Variants in RSRP1 observed in about 807,000 individuals in gnomAD.
RSRP1 encodes arginine and serine rich protein 1.
Under a neutral mutation model 33.0 loss-of-function variants are expected in RSRP1, and 37 were observed. The observed-to-expected ratio is 1.12, with a 90% CI of 0.86 to 1.48. RSRP1 has a LOEUF of 1.48. Ranked by LOEUF, RSRP1 falls within the 40% of genes most tolerant of loss-of-function variation. RSRP1 has a pLI of 0.00. For missense variants in RSRP1, 402 were observed against 385.3 expected, an observed-to-expected ratio of 1.04 and a Z score of -0.36; for synonymous variants, 167 against 158.7, an observed-to-expected ratio of 1.05 and a Z score of -0.40.
intron 1 of RSRP1, among the ~76,000 whole-genome samples, chr1:25,278,537 G>T (rs1468501377): frequency 1.5e-5 from 2 of 131,736 alleles, no homozygotes; most frequent in Admixed American, 1.5e-4. Flanking sequence ...GCAGTTTGGG[G>T]TGGGATGGCC....
chr1:25,273,855 T>C (rs1236948427), intron 1 of RSRP1, among the ~76,000 whole-genome samples: 1 of 129,044 alleles, frequency 7.7e-6, no homozygotes, highest in African/African-American at 2.7e-5. Context: ...GAACGGCTAG[T>C]TAACTGGAAG....
chr1:25,334,466 C>T lies in RSRP1; in HGVS notation c.-67+3512G>A, dbSNP rs1329830891. On this transcript the variant is annotated intron_variant, in intron 1 of 1. Coordinates refer to the RSRP1 transcript ENST00000561867. Reference sequence around the variant, plus strand: ...AGTGTCTGCAACTTTTCCAGGTACACGGTGCAAGCTGTCGGTGGATCTACC... The same window carrying T: ...AGTGTCTGCAACTTTTCCAGGTACATGGTGCAAGCTGTCGGTGGATCTACC... Among the ~76,000 whole-genome samples the T allele has an allele frequency of 9.1e-5, 12 of 131,614 alleles. 4 individuals carry two copies. Among genetic ancestry groups the T allele is most frequent in the Non-Finnish European group, 2.0e-4 (11 of 55,644 alleles). 86.3% of individuals were successfully genotyped at this position (131,614 alleles called of 152,430 possible).
intron 1 of RSRP1, among the ~76,000 whole-genome samples, chr1:25,308,505 T>C (rs1416369997): frequency 7.6e-6 from 1 of 131,928 alleles, no homozygotes; most frequent in Non-Finnish European, 1.8e-5. Context: ...AGGATTAACT[T>C]AACAAACTGG....
intron 1 of RSRP1, among the ~76,000 whole-genome samples, chr1:25,288,579 A>G (rs1297807736): frequency 8.0e-6 from 1 of 125,628 alleles, no homozygotes; most frequent in African/African-American, 2.8e-5. Flanking sequence ...ACGTATATCA[A>G]CTCACTTTGC....
intron 1 of RSRP1, among the ~76,000 whole-genome samples, chr1:25,331,210 C>T (rs1426719454): frequency 1.5e-5 from 2 of 130,126 alleles, no homozygotes; most frequent in African/African-American, 5.2e-5. Context: ...TTGTCATCTG[C>T]CTGCCTCGGC....
chr1:25,302,922 T>A (rs1386263989), intron 1 of RSRP1, among the ~76,000 whole-genome samples: 1 of 130,326 alleles, frequency 7.7e-6, no homozygotes, highest in South Asian at 2.3e-4. Context: ...GGCAAGAGGA[T>A]TGGTTGAGGC....
At chr1:25,256,901 G>A (rs916534481) in intron 1 of RSRP1, among the ~76,000 whole-genome samples, 1 of 152,176 alleles carries the variant, frequency 6.6e-6, no homozygotes, top group African/African-American at 2.4e-5. Context: ...TTTATGGCGT[G>A]TCAAGTTACC....
rs1437492902 is a variant in RSRP1, at chr1:25,281,805, GC to G, written c.-66-34777del. Among the ~76,000 whole-genome samples the G allele has an allele frequency of 1.5e-5, 2 of 132,392 alleles. 1 individual carries two copies. The highest frequency in any genetic ancestry group is 3.6e-5 in the Non-Finnish European group (2 of 55,860). The allele number at this position is 132,392 out of a possible 152,430, so 86.9% of individuals were successfully genotyped here. Reference sequence around the variant, plus strand: ...CCAGGTCCCATGGAGGTCCTTGGGGGCCTCCTATATCCTGGTGGTGTCAGGT... The same window carrying G: ...CCAGGTCCCATGGAGGTCCTTGGGGGCTCCTATATCCTGGTGGTGTCAGGT... On this transcript the variant is annotated intron_variant, in intron 1 of 1. Coordinates refer to the RSRP1 transcript ENST00000561867.
chr1:25,273,084 A>G lies in RSRP1; in HGVS notation c.-66-26055T>C, dbSNP rs188269931. Among the ~76,000 whole-genome samples the G allele has an allele frequency of 6.7e-4, 88 of 130,888 alleles. 23 individuals are homozygous for G. The highest frequency in any genetic ancestry group is 1.5e-3 in the Non-Finnish European group (82 of 55,314). The allele number at this position is 130,888 out of a possible 152,430, so 85.9% of individuals were successfully genotyped here. On this transcript the variant is annotated intron_variant, in intron 1 of 1. Transcript: ENST00000561867. ...CAAGTGCAGCTATCTTATGCAAGCA[A>G]TTTCATGTTGTTGGGTTTTTGGTTT... is the stretch of plus-strand genomic sequence containing the variant.
rs768029497 is a variant in RSRP1, at chr1:25,306,760, TA to T, written c.-67+31217del. The T allele has an allele frequency of 1.1e-5, 15 of 1,371,200 alleles. 5 individuals carry two copies. The highest frequency in any genetic ancestry group is 3.6e-5 in the Admixed American group (2 of 56,024). 84.9% of individuals were successfully genotyped at this position (1,371,200 alleles called of 1,614,324 possible). ...TCACTGGGCTTACCCCCCATCCCCTTAACACTCCCCTCCAACTCAGGAAGAA... is the reference window on the plus strand; with the variant it reads ...TCACTGGGCTTACCCCCCATCCCCTTACACTCCCCTCCAACTCAGGAAGAA... On this transcript the variant is annotated intron_variant, in intron 1 of 1. Transcript: ENST00000561867.
At chr1:25,318,125 C>T (rs370955452) in intron 1 of RSRP1, 1 of 129,954 alleles carries the variant, frequency 7.7e-6, no homozygotes, top group African/African-American at 2.6e-5. Context: ...GATTCAAGAC[C>T]AGCATGGCCA....
intron 1 of RSRP1, among the ~76,000 whole-genome samples, chr1:25,258,607 T>C (rs1490159848): frequency 1.3e-5 from 2 of 152,194 alleles, no homozygotes; most frequent in Non-Finnish European, 2.9e-5. Context: ...AAATAATTAG[T>C]TCCAATTATT....
At chr1:25,274,474 A>G (rs1369294214) in intron 1 of RSRP1, among the ~76,000 whole-genome samples, 1 of 132,340 alleles carries the variant, frequency 7.6e-6, no homozygotes, top group African/African-American at 2.6e-5. Context: ...TAGGTACAAA[A>G]TGTCCTCAGA....
chr1:25,247,243 T>G, intron 1 of RSRP1, 66 bp downstream of exon 1: 1 of 410,784 alleles, frequency 2.4e-6, no homozygotes, highest in South Asian at 5.7e-5. Context: ...CCGGCACGTT[T>G]CCCGTCCCTC....
intron 1 of RSRP1, among the ~76,000 whole-genome samples, chr1:25,272,971 A>C (rs559026032): frequency 7.6e-6 from 1 of 131,838 alleles, no homozygotes; most frequent in South Asian, 2.3e-4. Flanking sequence ...CCTCTACCAA[A>C]TGGTCTTCAT....
intron 1 of RSRP1, among the ~76,000 whole-genome samples, chr1:25,315,146 C>G (rs1262713601): frequency 7.7e-6 from 1 of 129,660 alleles, no homozygotes; most frequent in African/African-American, 2.6e-5. Flanking sequence ...CACAGCAAGA[C>G]TCCATCTCAA....
intron 1 of RSRP1, among the ~76,000 whole-genome samples, chr1:25,262,687 C>A (rs1359831107): frequency 1.3e-5 from 2 of 152,132 alleles, no homozygotes; most frequent in African/African-American, 4.8e-5. Context: ...CCTTAGAACC[C>A]CAGCGGTGAC....
At chr1:25,314,947 G>A (rs539274876) in intron 1 of RSRP1, among the ~76,000 whole-genome samples, 3 of 130,738 alleles carry the variant, frequency 2.3e-5, no homozygotes, top group Non-Finnish European at 5.4e-5. Flanking sequence ...GCTCACACCT[G>A]TAATCCCAGC....
At chr1:25,249,137 A>G (rs1315923550), upstream of RSRP1, among the ~76,000 whole-genome samples, 1 of 152,190 alleles carries the variant, frequency 6.6e-6, no homozygotes. Context: ...CAACAGGAGC[A>G]AAACTCCGTC....
Sources: allele counts gnomAD v4.1 joint callset (sites outside exome capture counted in the v4.1 genomes callset), GRCh38; gene constraint gnomAD v4.1.1; transcripts MANE v1.5; gene names NCBI Gene and HGNC (gene_info 2026-07-23, HGNC 2026-07-21).